The following PTPRM variants were observed in gnomAD, a reference collection of about 807,000 sequenced individuals.
PTPRM encodes the protein protein tyrosine phosphatase receptor type M.
Under a neutral mutation model 186.7 loss-of-function variants are expected in PTPRM, and 47 were observed. The observed-to-expected ratio is 0.25, with a 90% confidence interval of 0.20 to 0.32. The LOEUF (loss-of-function observed/expected upper bound fraction) is 0.32. PTPRM is among the 10% of genes least tolerant of loss of function. The pLI is 1.00. For missense variants in PTPRM, 1,494 were observed against 1,865.0 expected, an observed-to-expected ratio of 0.80 and a Z score of 3.66; for synonymous variants, 668 against 674.9, an observed-to-expected ratio of 0.99 and a Z score of 0.16.
intron 2 of PTPRM, among the ~76,000 whole-genome samples, chr18:7,844,855 G>C (rs111747543): frequency 0.013 from 1,914 of 152,232 alleles, 34 homozygotes; most frequent in African/African-American, 0.044. Flanking sequence ...GGCAGTGTCA[G>C]ACTAATTCTC....
At chr18:7,642,373 T>G (rs2038463331) in intron 1 of PTPRM, among the ~76,000 whole-genome samples, 2 of 152,206 alleles carry the variant, frequency 1.3e-5, no homozygotes, top group South Asian at 2.1e-4. Flanking sequence ...ATCTAATTCT[T>G]CTACTGTCGT....
At chr18:7,723,599 T>C (rs904572731) in intron 1 of PTPRM, among the ~76,000 whole-genome samples, 1 of 152,162 alleles carries the variant, frequency 6.6e-6, no homozygotes, top group African/African-American at 2.4e-5. Flanking sequence ...ATTTTCGTGC[T>C]AGAACCGTGT....
At chr18:7,581,466 T>A (rs2036844156) in intron 1 of PTPRM, among the ~76,000 whole-genome samples, 1 of 152,132 alleles carries the variant, frequency 6.6e-6, no homozygotes, top group South Asian at 2.1e-4. Context: ...TCGATGCTTG[T>A]TTCTGGGTCT....
chr18:7,639,384 C>T (rs1465962315), intron 1 of PTPRM, among the ~76,000 whole-genome samples: 2 of 129,954 alleles, frequency 1.5e-5, no homozygotes, highest in East Asian at 2.4e-4. Flanking sequence ...TTGTATTATT[C>T]TATATGCTTT....
At chr18:7,915,051 T>G (rs1184718927) in intron 4 of PTPRM, among the ~76,000 whole-genome samples, 2 of 152,150 alleles carry the variant, frequency 1.3e-5, no homozygotes, top group Non-Finnish European at 2.9e-5. Flanking sequence ...GTATGCAGAC[T>G]CTGAAGAATC....
chr18:7,786,234 G>T (rs1479386671), intron 2 of PTPRM, among the ~76,000 whole-genome samples: 2 of 152,224 alleles, frequency 1.3e-5, no homozygotes, highest in African/African-American at 2.4e-5. Flanking sequence ...CCGGACAATT[G>T]TAATGCCTCT....
At chr18:7,852,251 C>T (rs1254252596) in intron 2 of PTPRM, among the ~76,000 whole-genome samples, 1 of 152,000 alleles carries the variant, frequency 6.6e-6, no homozygotes, top group African/African-American at 2.4e-5. Context: ...TTGCAAGAGA[C>T]ATAAATATGA....
intron 7 of PTPRM, among the ~76,000 whole-genome samples, chr18:7,989,129 A>G (rs1331726347): frequency 3.9e-5 from 6 of 151,936 alleles, no homozygotes; most frequent in African/African-American, 1.2e-4. Context: ...TTTTGTGGCT[A>G]TTACATTTAT....
At chr18:8,140,341 T>C (rs998037796) in intron 13 of PTPRM, among the ~76,000 whole-genome samples, 2 of 152,084 alleles carry the variant, frequency 1.3e-5, no homozygotes, top group African/African-American at 4.8e-5. Flanking sequence ...CTGCTGTTAT[T>C]TAATTTAATG....
chr18:8,294,413 A>G (rs757752592), intron 19 of PTPRM, among the ~76,000 whole-genome samples: 1 of 152,148 alleles, frequency 6.6e-6, no homozygotes, highest in Non-Finnish European at 1.5e-5. Context: ...ACAGCAAGGA[A>G]GAGTGCCGAG....
In PTPRM at chr18:8,380,477, T is replaced by A. The variant is rs2095726253; in HGVS notation, c.3918+50T>A. The A allele has an allele frequency of 1.9e-6, 3 of 1,606,960 alleles. No individual in the cohort carries two copies. In the East Asian group the frequency reaches 6.7e-5, roughly 36 times the overall value. ...AGAACTAGTGCCAGGGGGTCAAGTT[T>A]GTTTTTACACTGAGTTTGTTTGCAC... is the stretch of plus-strand genomic sequence containing the variant. On this transcript the variant is annotated intron_variant, in intron 29 of 32. Transcript: ENST00000580170.
intron 7 of PTPRM, among the ~76,000 whole-genome samples, chr18:8,026,857 C>CA (rs912911483): frequency 1.6e-3 from 226 of 137,294 alleles, no homozygotes; most frequent in African/African-American, 2.8e-3. Context: ...AACTCCATCT[C>CA]AAAAAAAAAA....
rs200584197 is a variant in PTPRM, at chr18:8,272,495, AG to A, written c.2754+19082del. ...TTGCCCTGCATCCAGTAAGTTTGAC[AG>A]TATTTCTATTATCATTGACTATTAA... On this transcript the variant is annotated intron_variant, in intron 19 of 32. Transcript: ENST00000580170. Among the ~76,000 whole-genome samples, 1,074 of 152,182 alleles carry A rather than the reference AG, an allele frequency of 7.1e-3. 7 individuals are homozygous for A. Among genetic ancestry groups the A allele is most frequent in the African/African-American group, 0.024 (1,016 of 41,564 alleles).
At chr18:8,138,900 A>G (rs1016749460) in intron 13 of PTPRM, among the ~76,000 whole-genome samples, 1 of 151,872 alleles carries the variant, frequency 6.6e-6, no homozygotes, top group Non-Finnish European at 1.5e-5. Context: ...CTCCGTGCGG[A>G]TGCTCCCTGT....
intron 2 of PTPRM, among the ~76,000 whole-genome samples, chr18:7,884,095 C>T (rs749903288): frequency 3.3e-5 from 5 of 152,028 alleles, no homozygotes; most frequent in Admixed American, 2.0e-4. Context: ...TGCTATGAGC[C>T]GTGACTCTGC....
At chr18:8,349,862 G>A (rs1456066294) in intron 23 of PTPRM, among the ~76,000 whole-genome samples, 1 of 152,206 alleles carries the variant, frequency 6.6e-6, no homozygotes, top group Non-Finnish European at 1.5e-5. Context: ...TTTCATATCA[G>A]TCCCAGTAGC....
In PTPRM at chr18:7,579,431, G is replaced by A. The variant is rs184329790; in HGVS notation, c.73+11540G>A. Among the ~76,000 whole-genome samples the A allele has an allele frequency of 1.2e-4, 19 of 152,342 alleles. 1 individual carries two copies. The highest frequency in any genetic ancestry group is 4.1e-4 in the African/African-American group (17 of 41,586). On this transcript the variant is annotated intron_variant, in intron 1 of 32. Coordinates refer to ENST00000580170, the MANE Select transcript of PTPRM (RefSeq NM_001105244.2). ...ATCTACTATGAGGAGTGTTAAGAAAGCATCTGAGGATTACTATTAATACAT... is the reference window on the plus strand; with the variant it reads ...ATCTACTATGAGGAGTGTTAAGAAAACATCTGAGGATTACTATTAATACAT...
intron 2 of PTPRM, among the ~76,000 whole-genome samples, chr18:7,833,785 A>AACAAC (rs761681503): frequency 2.8e-5 from 4 of 144,078 alleles, no homozygotes; most frequent in African/African-American, 5.0e-5. Context: ...ACAACAACAA[A>AACAAC]AGCAATGCAT....
chr18:8,147,085 A>T (rs1231464499), intron 14 of PTPRM, among the ~76,000 whole-genome samples: 5 of 152,192 alleles, frequency 3.3e-5, no homozygotes, highest in Admixed American at 2.0e-4. Flanking sequence ...AGGTAGCATG[A>T]TGCCTCCAGT....
Sources: allele counts gnomAD v4.1 joint callset (sites outside exome capture counted in the v4.1 genomes callset), GRCh38; gene constraint gnomAD v4.1.1; transcripts MANE v1.5; gene names NCBI Gene and HGNC (gene_info 2026-07-23, HGNC 2026-07-21).